The following IFRD2 variants were observed in gnomAD, a reference collection of about 807,000 sequenced individuals.
IFRD2 encodes interferon-related developmental regulator 2.
In IFRD2, 35 loss-of-function variants were observed where a neutral mutation model predicts 49.2. That is an observed-to-expected ratio of 0.71 (90% CI 0.54 to 0.94). The LOEUF (loss-of-function observed/expected upper bound fraction) is 0.94. Among genes scored for constraint, IFRD2 ranks in the 40% least tolerant of loss-of-function variants. The pLI, the probability that IFRD2 is intolerant of heterozygous loss-of-function variation, is 0.00. For synonymous variants in IFRD2, 275 were observed against 239.7 expected (o/e 1.15, Z -1.36); for missense variants, 561 against 591.6 (o/e 0.95, Z 0.54).
rs782281053 is a variant in IFRD2, at chr3:50,289,647, A to AG, written c.598-20dup. On this transcript the variant is annotated intron_variant, in intron 6 of 11. Transcript: ENST00000417626. Reference sequence around the variant, plus strand: ...CCAGGTCCTAGGAGCACAGAGAGGCAGGGGAGCTCAGAGGCAGAGTTACAG... The same window carrying AG: ...CCAGGTCCTAGGAGCACAGAGAGGCAGGGGGAGCTCAGAGGCAGAGTTACAG... 6.3e-7 allele frequency: 1 copy of AG among 1,597,364 alleles called. No individual in the cohort carries two copies. Among genetic ancestry groups the AG allele is most frequent in the Non-Finnish European group, 8.5e-7 (1 of 1,172,264 alleles).
chr3:50,289,935 C>G lies in IFRD2; in HGVS notation c.540G>C (p.Arg180=). 1.9e-6 allele frequency: 3 copies of G among 1,612,870 alleles called. No homozygotes were observed. The highest frequency in any genetic ancestry group is 2.5e-6 in the Non-Finnish European group (3 of 1,179,512). ...LSDSTASPAA[R]LHCASALGLG... ...GGGGCACAGGCACACTCACGTGGAG[C>G]CGGGCAGCAGGGCTAGCTGTGCTGT... Residue 180 remains arginine (R), a synonymous_variant, in exon 5 of 12, where the codon CGG becomes CGC. Coordinates refer to ENST00000417626, the MANE Select transcript of IFRD2 (RefSeq NM_006764.5).
In IFRD2 at chr3:50,288,824, G is replaced by T. The variant is rs781966761; in HGVS notation, c.999C>A (p.Phe333Leu). The T allele has an allele frequency of 1.2e-6, 2 of 1,613,418 alleles. No individual in the cohort carries two copies. The highest frequency in any genetic ancestry group is 1.7e-6 in the Non-Finnish European group (2 of 1,179,608). The change falls in exon 9 of 12, where the codon TTC becomes TTA. Residue 333 changes from phenylalanine (F) to leucine (L), a missense_variant. By Grantham distance (22) the Phe-to-Leu change is conservative (BLOSUM62 0). Transcript: ENST00000417626. ...CCTCCACGGAGTGCAGCACGGCGCG[G>T]AAAGTAGAGCGCTGGCGCCGACGAT... Reference protein sequence around the residue: ...KADRRRQRSTFRAVLHSVEGG... With the variant: ...KADRRRQRSTLRAVLHSVEGG...
In IFRD2 at chr3:50,289,673, C is replaced by T. The variant is rs587636750; in HGVS notation, c.597+39G>A. 1.9e-6 allele frequency: 3 copies of T among 1,594,966 alleles called. No homozygotes were observed. The South Asian group carries it at 3.4e-5, about 18-fold the overall frequency. ...GGGGAGCTCAGAGGCAGAGTTACAGCCCTAGATGCTCTACCACCTGTGCCC... is the reference window on the plus strand; with the variant it reads ...GGGGAGCTCAGAGGCAGAGTTACAGTCCTAGATGCTCTACCACCTGTGCCC... On this transcript the variant is annotated intron_variant, in intron 6 of 11. Transcript: ENST00000417626.
intron 2 of IFRD2, 27 bp downstream of exon 2, chr3:50,290,533 C>T (rs782033825): frequency 5.6e-6 from 9 of 1,611,438 alleles, no homozygotes; most frequent in Non-Finnish European, 6.8e-6. Flanking sequence ...CTCACCAAGC[C>T]CCTGTCAAAC....
At chr3:50,289,818 G>A in intron 5 of IFRD2, 56 bp from the exon 6 acceptor site, 1 of 1,585,934 alleles carries the variant, frequency 6.3e-7, no homozygotes, top group Admixed American at 1.8e-5. Flanking sequence ...TGGGTTCCCA[G>A]CCCTGGAGCT....
rs1553708866 is a variant in IFRD2 at position 50,288,089 on chromosome 3, A to AAAAT, written c.*98_*101dup. ...TCTGTTTTTGGTTTTGTCATTAAAAAAAATAAAGTGACAAATACTGGTGGA... is the reference window on the plus strand; with the variant it reads ...TCTGTTTTTGGTTTTGTCATTAAAAAAAATAAATAAAGTGACAAATACTGGTGGA... On this transcript the variant is annotated 3_prime_UTR_variant, in exon 12 of 12. Coordinates refer to ENST00000417626, the MANE Select transcript of IFRD2 (RefSeq NM_006764.5). 2.6e-6 allele frequency: 3 copies of AAAAT among 1,132,628 alleles called. No individual in the cohort carries two copies. The highest frequency in any genetic ancestry group is 2.6e-6 in the Non-Finnish European group (2 of 773,922). 70.2% of individuals were successfully genotyped at this position (1,132,628 alleles called of 1,614,324 possible).
chr3:50,289,724 G>A lies in IFRD2; in HGVS notation c.585C>T (p.Ala195=), dbSNP rs369323034. Residue 195 remains alanine (A), a synonymous_variant, in exon 6 of 12, where the codon GCC becomes GCT. Coordinates refer to ENST00000417626, the MANE Select transcript of IFRD2 (RefSeq NM_006764.5). ...SALGLGCYVA[A]ADIQDLVSCL... is the part of the protein sequence containing the mutation. ...AAAGACCCCTCACCTGGATGTCAGC[G>A]GCAGCCACGTAGCAGCCCAGGCCAA... 231 of 1,603,236 alleles carry A rather than the reference G, an allele frequency of 1.4e-4. No individual in the cohort carries two copies. Among genetic ancestry groups the A allele is most frequent in the Non-Finnish European group, 1.8e-4 (212 of 1,175,232 alleles).
At chr3:50,290,825 C>T in intron 1 of IFRD2, 146 bp from the exon 2 acceptor site, 2 of 1,054,746 alleles carry the variant, frequency 1.9e-6, no homozygotes, top group Non-Finnish European at 2.8e-6. Flanking sequence ...TTCAGTAGGG[C>T]TGGTGCACTC....
chr3:50,289,694 T>C lies in IFRD2; in HGVS notation c.597+18A>G. On this transcript the variant is annotated intron_variant, in intron 6 of 11. Transcript: ENST00000417626. ...ACAGCCCTAGATGCTCTACCACCTG[T>C]GCCCAAAGACCCCTCACCTGGATGT... 6.3e-7 allele frequency: 1 copy of C among 1,598,480 alleles called. No individual in the cohort carries two copies. Among genetic ancestry groups the C allele is most frequent in the Non-Finnish European group, 8.5e-7 (1 of 1,172,904 alleles).
chr3:50,288,337 C>A lies in IFRD2; in HGVS notation c.1249-66G>T. On this transcript the variant is annotated intron_variant, in intron 11 of 11. Coordinates refer to ENST00000417626, the MANE Select transcript of IFRD2 (RefSeq NM_006764.5). ...AGGGAAAGGGCTGGGGGTCCTCTTC[C>A]GGCCTCTACAGAATTCCAGGCCTCC... 1.6e-5 allele frequency: 25 copies of A among 1,602,392 alleles called. No individual in the cohort carries two copies. In the South Asian group the frequency reaches 2.7e-4, roughly 17 times the overall value.
Position 50,290,263 on chromosome 3 carries a change from G to A in IFRD2, c.295C>T (p.Leu99=). ...AGGCGGGACGCTAGGGCCAGGCGCA[G>A]GCTCTCAAGAGCACCCTGCCGGGTC... is the stretch of plus-strand genomic sequence containing the variant. ...AKTRQGALES[L]RLALASRLLP... Residue 99 remains leucine (L), a synonymous_variant, in exon 4 of 12, where the codon CTG becomes TTG. Coordinates refer to ENST00000417626, the MANE Select transcript of IFRD2 (RefSeq NM_006764.5). 1 of 1,612,542 alleles carries A rather than the reference G, an allele frequency of 6.2e-7. No homozygotes were observed. Among genetic ancestry groups the A allele is most frequent in the East Asian group, 2.2e-5 (1 of 44,840 alleles).
At chr3:50,291,007 CTTTTT>C (rs11306616) in intron 1 of IFRD2, among the ~76,000 whole-genome samples, 13 of 94,398 alleles carry the variant, frequency 1.4e-4, no homozygotes, top group African/African-American at 4.0e-4. Context: ...TCCCCGCCAC[CTTTTT>C]TTTTTTTTTT....
In IFRD2 at chr3:50,289,260, G is replaced by C; in HGVS notation, c.880C>G (p.Leu294Val). 6.4e-7 allele frequency: 1 copy of C among 1,572,826 alleles called. No individual in the cohort carries two copies. Among genetic ancestry groups the C allele is most frequent in the South Asian group, 1.2e-5 (1 of 85,426 alleles). ...IALLFELARD[L>V]EEEFVYEDME... Reference sequence around the variant, plus strand: ...CCCATCCTTGTCCCTCGCACCTCAAGGTCCCGGGCAAGCTCAAAGAGCAGT... The same window carrying C: ...CCCATCCTTGTCCCTCGCACCTCAACGTCCCGGGCAAGCTCAAAGAGCAGT... The change falls in exon 8 of 12, where the codon CTT becomes GTT. Residue 294 changes from leucine (L) to valine (V), a missense_variant. Coordinates refer to ENST00000417626, the MANE Select transcript of IFRD2 (RefSeq NM_006764.5).
At position 50,289,509 on chromosome 3, in the gene IFRD2, C is replaced by G. The variant is rs1453452704; in HGVS notation, c.717G>C (p.Leu239=). ...TGGTGAGCAGCAATGCCCAGGCCTG[C>G]AGGGCAGCAGAGAGCAGGCCGTGCA... The part of the protein sequence containing the change: ...ASLHGLLSAA[L]QAWALLLTIC... The change falls in exon 7 of 12, where the codon CTG becomes CTC. Residue 239 remains leucine (L), a synonymous_variant. Transcript: ENST00000417626. The G allele has an allele frequency of 1.9e-6, 3 of 1,584,924 alleles. No individual in the cohort carries two copies. The African/African-American group carries it at 4.0e-5, about 21-fold the overall frequency.
At position 50,288,605 on chromosome 3, in the gene IFRD2, G is replaced by C; in HGVS notation, c.1130C>G (p.Ser377Trp). Residue 377 changes from serine to tryptophan, a missense_variant, in exon 10 of 12, where the codon TCG (serine) becomes TGG (tryptophan). Transcript: ENST00000417626. ...IYAAFKEVLG[S>W]GMHHHLQNNE... Reference sequence around the variant, plus strand: ...CACCTGGAGGTGGTGGTGCATGCCCGAACCCAGCACTTCCTTGAAGGCAGC... The same window carrying C: ...CACCTGGAGGTGGTGGTGCATGCCCCAACCCAGCACTTCCTTGAAGGCAGC... 2 of 1,613,924 alleles carry C rather than the reference G, an allele frequency of 1.2e-6. No individual in the cohort carries two copies. The highest frequency in any genetic ancestry group is 8.5e-7 in the Non-Finnish European group (1 of 1,179,884).
At position 50,290,382 on chromosome 3, in the gene IFRD2, G is replaced by A; in HGVS notation, c.263+6C>T. On this transcript the variant is annotated splice_donor_region_variant and intron_variant, in intron 3 of 11. Coordinates refer to ENST00000417626, the MANE Select transcript of IFRD2 (RefSeq NM_006764.5). ...GGTGTAGGAGTTGGCTGGCAGCCAG[G>A]GGTACCTCTTGTCTGTGAGACAGTC... 3.2e-6 allele frequency: 5 copies of A among 1,586,174 alleles called. No homozygotes were observed. Among genetic ancestry groups the A allele is most frequent in the Non-Finnish European group, 4.3e-6 (5 of 1,165,818 alleles).
At chr3:50,289,895 CAGGA>C (rs1701638748) in intron 5 of IFRD2, 30 bp downstream of exon 5, 2 of 1,611,130 alleles carry the variant, frequency 1.2e-6, no homozygotes, top group African/African-American at 2.7e-5. Context: ...GGATAAGGTG[CAGGA>C]AGGGTTTCAT....
Position 50,288,630 on chromosome 3 carries a change from C to T in IFRD2, c.1105G>A (p.Ala369Thr), listed in dbSNP as rs782171598. 37 of 1,613,222 alleles carry T rather than the reference C, an allele frequency of 2.3e-5. No homozygotes were observed. Among genetic ancestry groups the T allele is most frequent in the Admixed American group, 1.7e-4 (10 of 59,952 alleles). ...MDSWARHRIY[A>T]AFKEVLGSGM... ...GAACCCAGCACTTCCTTGAAGGCAG[C>T]GTAGATCCGGTGCCGAGCCCAGCTG... Residue 369 changes from alanine to threonine, a missense_variant, in exon 10 of 12, where the codon GCT becomes ACT. Ala to Thr is a moderately conservative substitution (Grantham distance 58). Transcript: ENST00000417626.
At chr3:50,288,338 G>A (rs897520474) in intron 11 of IFRD2, 67 bp from the exon 12 acceptor site, 51 of 1,600,840 alleles carry the variant, frequency 3.2e-5, no homozygotes, top group African/African-American at 9.4e-5. Context: ...GTCCTCTTCC[G>A]GCCTCTACAG....
Sources: gnomAD v4.1 joint callset for allele counts (sites outside exome capture counted in the v4.1 genomes callset) on GRCh38, gnomAD v4.1.1 for gene constraint, MANE v1.5 for transcripts, NCBI Gene and HGNC (gene_info 2026-07-23, HGNC 2026-07-21) for gene names.